Variants in SMIM36 observed in about 807,000 individuals in gnomAD.
SMIM36 encodes the protein small integral membrane protein 36.
At chr17:55,473,081 T>C (rs1909368356) in intron 3 of SMIM36, among the ~76,000 whole-genome samples, 1 of 152,142 alleles carries the variant, frequency 6.6e-6, no homozygotes, top group Non-Finnish European at 1.5e-5. Context: ...TCTTAGATCA[T>C]GGAAAATTCA....
At chr17:55,457,373 C>T (rs912881647) in intron 4 of SMIM36, among the ~76,000 whole-genome samples, 2 of 149,772 alleles carry the variant, frequency 1.3e-5, no homozygotes, top group African/African-American at 4.9e-5. Flanking sequence ...ATTGCTTGAA[C>T]CCAGGAGGCA....
At chr17:55,530,525 T>C in the SMIM36 span, among the ~76,000 whole-genome samples, 3 of 152,038 alleles carry the variant, frequency 2.0e-5, no homozygotes, top group Non-Finnish European at 4.4e-5. Context: ...TGGCTCACGC[T>C]TGTAATCCCA....
At chr17:55,497,640 T>A (rs531719096) in intron 1 of SMIM36, among the ~76,000 whole-genome samples, 1 of 152,020 alleles carries the variant, frequency 6.6e-6, no homozygotes, top group Non-Finnish European at 1.5e-5. Flanking sequence ...GCAGGAGGAT[T>A]GCTTGAACCC....
At chr17:55,489,850 G>C (rs374933317) in intron 1 of SMIM36, among the ~76,000 whole-genome samples, 2 of 54,034 alleles carry the variant, frequency 3.7e-5, no homozygotes. Flanking sequence ...TTATTGCTCG[G>C]TTTTTTTTTG....
the SMIM36 span, among the ~76,000 whole-genome samples, chr17:55,530,512 C>T: frequency 1.2e-4 from 18 of 152,152 alleles, no homozygotes; most frequent in Middle Eastern, 3.2e-3. Flanking sequence ...AGGCTGGGCG[C>T]GGTGGCTCAC....
intron 2 of SMIM36, among the ~76,000 whole-genome samples, 181 bp from the exon 3 acceptor site, chr17:55,478,994 G>C (rs1909472827): frequency 6.6e-6 from 1 of 152,144 alleles, no homozygotes; most frequent in Admixed American, 6.5e-5. Context: ...GTGGTTTCTT[G>C]TGAGCTCCAT....
the SMIM36 span, among the ~76,000 whole-genome samples, chr17:55,524,672 A>G: frequency 3.9e-5 from 6 of 152,224 alleles, no homozygotes; most frequent in African/African-American, 2.4e-5. Flanking sequence ...TAGTTCACTA[A>G]AAGTTTCTAA....
At chr17:55,488,481 C>T (rs1909645603) in intron 1 of SMIM36, among the ~76,000 whole-genome samples, 1 of 152,170 alleles carries the variant, frequency 6.6e-6, no homozygotes, top group South Asian at 2.1e-4. Context: ...AGGATGTGTG[C>T]TTCTAGCATA....
intron 4 of SMIM36, among the ~76,000 whole-genome samples, chr17:55,460,315 C>A (rs1909117205): frequency 6.6e-6 from 1 of 152,056 alleles, no homozygotes; most frequent in African/African-American, 2.4e-5. Context: ...GTAATCCCAG[C>A]TACTTGGGAG....
At position 55,466,935 on chromosome 17, in the gene SMIM36, C is replaced by G. The variant is rs371024515; in HGVS notation, c.*531+210G>C. ...TTCTTAAGTTAATTAGTTGCAATTA[C>G]TAGCTCTGCTGCAGTGGAATGCATA... On this transcript the variant is annotated intron_variant, in intron 4 of 4. Coordinates refer to ENST00000636752, the Ensembl canonical transcript of SMIM36. Among the ~76,000 whole-genome samples, 255 of 152,310 alleles carry G rather than the reference C, an allele frequency of 1.7e-3. 3 individuals carry two copies. The South Asian group carries it at 0.018, about 11-fold the overall frequency.
At chr17:55,486,105 C>T (rs539566981) in intron 1 of SMIM36, among the ~76,000 whole-genome samples, 23 of 150,926 alleles carry the variant, frequency 1.5e-4, no homozygotes, top group African/African-American at 5.1e-4. Context: ...GCGTGATCTC[C>T]GCTCAATGCA....
chr17:55,491,629 G>A (rs1567868430), intron 1 of SMIM36, among the ~76,000 whole-genome samples: 1 of 152,094 alleles, frequency 6.6e-6, no homozygotes, highest in African/African-American at 2.4e-5. Context: ...TGCTGGTTGG[G>A]CCTCTCAGCT....
the SMIM36 span, among the ~76,000 whole-genome samples, chr17:55,531,617 C>T: frequency 3.3e-5 from 5 of 152,066 alleles, no homozygotes; most frequent in Admixed American, 1.3e-4. Context: ...GCTGACGTAC[C>T]GAAAGAAATC....
intron 1 of SMIM36, among the ~76,000 whole-genome samples, chr17:55,509,299 T>A (rs1265821594): frequency 6.6e-6 from 1 of 152,208 alleles, no homozygotes; most frequent in Non-Finnish European, 1.5e-5. Context: ...GGACTCTAAT[T>A]ATTTTGCTTT....
chr17:55,472,122 A>G lies in SMIM36; in HGVS notation c.*348-4794T>C, dbSNP rs529996707. Among the ~76,000 whole-genome samples the G allele has an allele frequency of 3.3e-5, 5 of 152,320 alleles. No individual in the cohort carries two copies. The South Asian group carries it at 1.0e-3, about 32-fold the overall frequency. On this transcript the variant is annotated intron_variant, in intron 3 of 4. Coordinates refer to ENST00000636752, the Ensembl canonical transcript of SMIM36. ...CTGAACCACATGACTGTATTTCACT[A>G]ATACACATAGCATCTTCCCCCTTTC...
chr17:55,483,596 T>C (rs1051276896), intron 1 of SMIM36, among the ~76,000 whole-genome samples: 3 of 152,166 alleles, frequency 2.0e-5, no homozygotes, highest in African/African-American at 7.2e-5. Context: ...TCTGGGTTTC[T>C]AGTCTGCCTG....
At chr17:55,502,038 C>G (rs534265276) in intron 1 of SMIM36, among the ~76,000 whole-genome samples, 3 of 151,894 alleles carry the variant, frequency 2.0e-5, no homozygotes, top group Non-Finnish European at 2.9e-5. Flanking sequence ...CGGCGCACCA[C>G]GAGACTATAT....
chr17:55,505,621 A>G lies in SMIM36; in HGVS notation c.*174+5258T>C, dbSNP rs1910068260. On this transcript the variant is annotated intron_variant, in intron 1 of 4. Coordinates refer to ENST00000636752, the Ensembl canonical transcript of SMIM36. ...ATGACAAACCCACAGCCAATATCAT[A>G]CTGAATGGGCAAAAACTGGAAGCAT... 2.9e-5 allele frequency among the ~76,000 whole-genome samples: 2 copies of G among 67,806 alleles called. 1 individual carries two copies. The allele number at this position is 67,806 out of a possible 152,430, so 44.5% of individuals were successfully genotyped here.
chr17:55,490,505 A>AT (rs1249932250), intron 1 of SMIM36, among the ~76,000 whole-genome samples: 2 of 152,164 alleles, frequency 1.3e-5, no homozygotes, highest in Admixed American at 6.6e-5. Flanking sequence ...TACACTTGAC[A>AT]TTTTTTGAGA....
Sources: allele counts gnomAD v4.1 joint callset (sites outside exome capture counted in the v4.1 genomes callset), GRCh38; gene constraint gnomAD v4.1.1; transcripts MANE v1.5; gene names NCBI Gene and HGNC (gene_info 2026-07-23, HGNC 2026-07-21).